Variants in ZRANB3 observed in about 807,000 individuals in gnomAD.
ZRANB3 encodes the protein zinc finger RANBP2-type containing 3.
Under a neutral mutation model 133.8 loss-of-function variants are expected in ZRANB3, and 125 were observed. That is an observed-to-expected ratio of 0.93 (90% CI 0.81 to 1.08). The LOEUF is 1.08. Ranked by LOEUF, ZRANB3 falls within the 50% of genes least tolerant of loss-of-function variation. The pLI is 0.00. For missense variants in ZRANB3, 1,229 were observed against 1,275.5 expected (o/e 0.96, Z 0.56); for synonymous variants, 387 against 432.7 (o/e 0.89, Z 1.31).
chr2:135,294,797 T>C (rs1681953976), intron 8 of ZRANB3, among the ~76,000 whole-genome samples: 1 of 152,186 alleles, frequency 6.6e-6, no homozygotes, highest in African/African-American at 2.4e-5. Context: ...GTATGTTGTG[T>C]CTTTGTTCTC....
intron 6 of ZRANB3, among the ~76,000 whole-genome samples, chr2:135,320,181 C>T (rs1275668694): frequency 6.6e-6 from 1 of 152,166 alleles, no homozygotes; most frequent in African/African-American, 2.4e-5. Context: ...GCTGGGACTA[C>T]AGGCACATGC....
At chr2:135,505,851 G>A (rs544483396) in intron 1 of ZRANB3, among the ~76,000 whole-genome samples, 3 of 152,214 alleles carry the variant, frequency 2.0e-5, no homozygotes, top group African/African-American at 7.2e-5. Flanking sequence ...AGCTACACCT[G>A]ATCGAATGGG....
chr2:135,516,323 T>C (rs1693697965), intron 1 of ZRANB3, among the ~76,000 whole-genome samples: 1 of 152,156 alleles, frequency 6.6e-6, no homozygotes, highest in Admixed American at 6.6e-5. Context: ...TACTAGCTGG[T>C]TATTTTGCCC....
intron 2 of ZRANB3, among the ~76,000 whole-genome samples, chr2:135,426,538 T>C (rs932456315): frequency 2.0e-5 from 3 of 151,862 alleles, no homozygotes. Context: ...TGGTTCAATA[T>C]ATGCAAATTG....
At chr2:135,514,892 G>C (rs1243573713) in intron 1 of ZRANB3, among the ~76,000 whole-genome samples, 7 of 152,082 alleles carry the variant, frequency 4.6e-5, no homozygotes, top group Non-Finnish European at 8.8e-5. Flanking sequence ...CATCTATTGA[G>C]ATAATCATGT....
At chr2:135,450,866 C>T (rs1275838773) in intron 2 of ZRANB3, among the ~76,000 whole-genome samples, 1 of 152,186 alleles carries the variant, frequency 6.6e-6, no homozygotes, top group Non-Finnish European at 1.5e-5. Flanking sequence ...AATTAAAGTT[C>T]ACATGAGAGA....
intron 9 of ZRANB3, 53 bp downstream of exon 9, chr2:135,275,583 T>C (rs1573810540): frequency 1.4e-6 from 2 of 1,455,564 alleles, no homozygotes; most frequent in East Asian, 2.5e-5. Context: ...TGATGTTTAG[T>C]ATAGTAAAAA....
chr2:135,479,404 G>A (rs1691657717), intron 2 of ZRANB3, among the ~76,000 whole-genome samples: 1 of 152,168 alleles, frequency 6.6e-6, no homozygotes, highest in South Asian at 2.1e-4. Flanking sequence ...GGAGGCTGAG[G>A]CAGGCAGATT....
chr2:135,432,796 T>C (rs1689377446), intron 2 of ZRANB3, among the ~76,000 whole-genome samples: 2 of 152,162 alleles, frequency 1.3e-5, no homozygotes, highest in Non-Finnish European at 2.9e-5. Context: ...AGTTAGGAGT[T>C]GGAGTTGAAG....
At chr2:135,289,499 C>A (rs558632451) in intron 8 of ZRANB3, among the ~76,000 whole-genome samples, 2 of 152,258 alleles carry the variant, frequency 1.3e-5, no homozygotes, top group East Asian at 3.9e-4. Flanking sequence ...TGTGATCTAC[C>A]CCCCTCAGCC....
At chr2:135,214,738 C>G (rs1259203578) in intron 17 of ZRANB3, among the ~76,000 whole-genome samples, 1 of 152,020 alleles carries the variant, frequency 6.6e-6, no homozygotes, top group African/African-American at 2.4e-5. Context: ...AAATATGTAA[C>G]ACATATATTT....
chr2:135,427,074 AAGAG>A (rs1689127782), intron 2 of ZRANB3, among the ~76,000 whole-genome samples: 1 of 151,152 alleles, frequency 6.6e-6, no homozygotes, highest in Admixed American at 6.6e-5. Context: ...TCAAAATAAT[AAGAG>A]CCATCTACAA....
chr2:135,276,001 C>G (rs998401275), intron 8 of ZRANB3, among the ~76,000 whole-genome samples: 2 of 152,136 alleles, frequency 1.3e-5, no homozygotes, highest in East Asian at 3.9e-4. Flanking sequence ...AATTAAAAAA[C>G]AACACAACAA....
chr2:135,466,581 A>C (rs1207684123), intron 2 of ZRANB3, among the ~76,000 whole-genome samples: 1 of 152,046 alleles, frequency 6.6e-6, no homozygotes, highest in African/African-American at 2.4e-5. Context: ...ATCTTGGATT[A>C]ATCACTCAAC....
At chr2:135,466,472 A>G (rs1559017869) in intron 2 of ZRANB3, among the ~76,000 whole-genome samples, 1 of 150,764 alleles carries the variant, frequency 6.6e-6, no homozygotes, top group Admixed American at 6.6e-5. Context: ...AGAGGCGAGG[A>G]TCATGTTTAA....
At chr2:135,479,945 T>C (rs1263577862) in intron 2 of ZRANB3, among the ~76,000 whole-genome samples, 1 of 146,560 alleles carries the variant, frequency 6.8e-6, no homozygotes, top group East Asian at 2.0e-4. Context: ...TCATATTTTC[T>C]TTTTTTTTTT....
intron 2 of ZRANB3, among the ~76,000 whole-genome samples, chr2:135,403,521 CCG>C (rs1687847054): frequency 6.6e-6 from 1 of 152,218 alleles, no homozygotes; most frequent in African/African-American, 2.4e-5. Context: ...GACTCCACCT[CCG>C]GGGCAGGGCA....
At chr2:135,368,850 G>T (rs543260603) in intron 3 of ZRANB3, among the ~76,000 whole-genome samples, 1 of 151,630 alleles carries the variant, frequency 6.6e-6, no homozygotes, top group Non-Finnish European at 1.5e-5. Context: ...AACCTAAAAC[G>T]TAAATTTCAA....
intron 2 of ZRANB3, among the ~76,000 whole-genome samples, chr2:135,488,565 A>G (rs12105934): frequency 0.071 from 10,748 of 151,844 alleles, 799 homozygotes; most frequent in African/African-American, 0.19. Context: ...TGAATATACT[A>G]TATAGCATAA....
Sources: gnomAD v4.1 joint callset for allele counts (sites outside exome capture counted in the v4.1 genomes callset) on GRCh38, gnomAD v4.1.1 for gene constraint, MANE v1.5 for transcripts, NCBI Gene and HGNC (gene_info 2026-07-23, HGNC 2026-07-21) for gene names.